MIEF2: variants seen among roughly 807,000 people sequenced by gnomAD.
MIEF2 encodes mitochondrial elongation factor 2, also known as mitochondrial dynamics protein MID49.
In MIEF2, 1 loss-of-function variant was observed where a neutral mutation model predicts 7.4. The ratio of observed to expected loss-of-function variants is 0.14; its 90% CI spans 0.05 to 0.64. The LOEUF is 0.64. MIEF2 is among the 30% of genes least tolerant of loss of function. MIEF2 has a pLI of 0.85. For missense variants in MIEF2, 569 were observed against 623.9 expected, an observed-to-expected ratio of 0.91 and a Z score of 0.94; for synonymous variants, 275 against 290.5, an observed-to-expected ratio of 0.95 and a Z score of 0.54.
At chr17:18,260,891 C>T (rs1056580457) in intron 1 of MIEF2, among the ~76,000 whole-genome samples, 154 bp downstream of exon 1, 1 of 152,202 alleles carries the variant, frequency 6.6e-6, no homozygotes, top group Non-Finnish European at 1.5e-5. Flanking sequence ...CGAATCCTAG[C>T]CCAGCCCCCT....
Position 18,263,835 on chromosome 17 carries a change from G to A in MIEF2, c.436G>A (p.Val146Met). 1.2e-6 allele frequency: 2 copies of A among 1,607,484 alleles called. No homozygotes were observed. Among genetic ancestry groups the A allele is most frequent in the Non-Finnish European group, 1.7e-6 (2 of 1,179,972 alleles). ...CCGTGTGACCATCCCAGCAGCCCAG[G>A]TGGCTTTGGCCAAACAGCTGGCTGG... ...RDRVTIPAAQVALAKQLAGDI... is the reference protein window; with the variant it reads ...RDRVTIPAAQMALAKQLAGDI... Residue 146 changes from valine (V) to methionine (M), a missense_variant, in exon 4 of 4, where the codon GTG (valine) becomes ATG (methionine). Physicochemically the swap from Val to Met is conservative, Grantham distance 21. Transcript: ENST00000323019.
Position 18,264,195 on chromosome 17 carries a change from G to A in MIEF2, c.796G>A (p.Val266Ile), listed in dbSNP as rs201138563. Reference sequence around the variant, plus strand: ...ACTCCGCAAGGCGCTGGCTGCTTCTGTCAACTGGCCGGCCATTGGCAGCCT... The same window carrying A: ...ACTCCGCAAGGCGCTGGCTGCTTCTATCAACTGGCCGGCCATTGGCAGCCT... ...ELLRKALAAS[V>I]NWPAIGSLLG... Residue 266 changes from valine (V) to isoleucine (I), a missense_variant, in exon 4 of 4, where the codon GTC becomes ATC. Physicochemically the swap from Val to Ile is conservative, Grantham distance 29. Coordinates refer to ENST00000323019, the MANE Select transcript of MIEF2 (RefSeq NM_139162.4). 2.4e-5 allele frequency: 39 copies of A among 1,599,294 alleles called. No homozygotes were observed. The Admixed American group carries it at 6.5e-4, about 27-fold the overall frequency.
At chr17:18,263,609 G>C in intron 3 of MIEF2, 101 bp from the exon 4 acceptor site, 1 of 1,423,762 alleles carries the variant, frequency 7.0e-7, no homozygotes, top group Non-Finnish European at 9.2e-7. Context: ...CTGCAGGTGA[G>C]AAAAGTGAGG....
Position 18,264,102 on chromosome 17 carries a change from C to T in MIEF2, c.703C>T (p.Arg235Cys), listed in dbSNP as rs747845745. Residue 235 changes from arginine to cysteine, a missense_variant, in exon 4 of 4, where the codon CGT becomes TGT. Arg to Cys is a radical substitution (Grantham distance 180). Coordinates refer to ENST00000323019, the MANE Select transcript of MIEF2 (RefSeq NM_139162.4). ...CAGGACGCAGCTTGAGTTCTGCCCC[C>T]GTGGGAGCAGCCCCTGGGACCGCTT... ...VRRTQLEFCPRGSSPWDRFLV... is the reference protein window; with the variant it reads ...VRRTQLEFCPCGSSPWDRFLV... 8 of 1,552,882 alleles carry T rather than the reference C, an allele frequency of 5.2e-6. No individual in the cohort carries two copies. Among genetic ancestry groups the T allele is most frequent in the South Asian group, 4.6e-5 (4 of 86,752 alleles).
chr17:18,263,055 T>C (rs754931911), intron 2 of MIEF2, 31 bp from the exon 3 acceptor site: 17 of 1,607,976 alleles, frequency 1.1e-5, no homozygotes, highest in East Asian at 2.2e-5. Context: ...CCAGATTTCA[T>C]ATACACTGAT....
chr17:18,264,446 C>T lies in MIEF2; in HGVS notation c.1047C>T (p.Asp349=), dbSNP rs762650215. The change falls in exon 4 of 4, where the codon GAC becomes GAT. Residue 349 remains aspartate, a synonymous_variant. Transcript: ENST00000323019. ...GGCTGCGAGCCCTGGACGACCATGA[C>T]GCTGGGACTCGCCGGCGGCTGCTGC... The part of the protein sequence containing the change: ...AARLRALDDH[D]AGTRRRLLLL... 14 of 1,601,956 alleles carry T rather than the reference C, an allele frequency of 8.7e-6. No homozygotes were observed. The highest frequency in any genetic ancestry group is 6.6e-5 in the South Asian group (6 of 91,078).
chr17:18,264,191 T>C lies in MIEF2; in HGVS notation c.792T>C (p.Ala264=), dbSNP rs2605143. The part of the protein sequence containing the change: ...LLELLRKALA[A]SVNWPAIGSL... ...AGCTACTCCGCAAGGCGCTGGCTGC[T>C]TCTGTCAACTGGCCGGCCATTGGCA... Residue 264 remains alanine, a synonymous_variant, in exon 4 of 4, where the codon GCT becomes GCC. Coordinates refer to ENST00000323019, the MANE Select transcript of MIEF2 (RefSeq NM_139162.4). 1,069,454 of 1,596,902 alleles carry C rather than the reference T, an allele frequency of 0.67. 360,886 individuals are homozygous for C. The highest frequency in any genetic ancestry group is 0.86 in the African/African-American group (64,229 of 74,952).
chr17:18,264,382 A>G lies in MIEF2; in HGVS notation c.983A>G (p.Asn328Ser). The change falls in exon 4 of 4, where the codon AAC becomes AGC. Residue 328 changes from asparagine (N) to serine (S), a missense_variant. Physicochemically the swap from Asn to Ser is conservative, Grantham distance 46 (BLOSUM62 1). Transcript: ENST00000323019. ...LAWPLEGLAG[N>S]LWLQDLYPVE... is the part of the protein sequence containing the mutation. ...TGGCCCCTGGAGGGGCTGGCGGGGA[A>G]CCTCTGGCTGCAGGACCTGTATCCA... is the stretch of plus-strand genomic sequence containing the variant. The G allele has an allele frequency of 6.2e-7, 1 of 1,601,898 alleles. No individual in the cohort carries two copies.
intron 1 of MIEF2, among the ~76,000 whole-genome samples, chr17:18,261,474 C>T (rs1978413154): frequency 6.6e-6 from 1 of 152,334 alleles, no homozygotes; most frequent in African/African-American, 2.4e-5. Flanking sequence ...GGTGCCCGGG[C>T]AGGCTGTGAC....
At position 18,260,729 on chromosome 17, in the gene MIEF2, G is replaced by A. The variant is rs1394623414; in HGVS notation, c.-16G>A. 1 of 210,114 alleles carries A rather than the reference G, an allele frequency of 4.8e-6. No individual in the cohort carries two copies. The highest frequency in any genetic ancestry group is 9.6e-6 in the Non-Finnish European group (1 of 104,104). 13.0% of individuals were successfully genotyped at this position (210,114 alleles called of 1,614,324 possible). ...CTCCTCCGGTCGTCGTGCGGAAGCT[G>A]CGACGCAGGTACAGCTGGAGCGCGG... On this transcript the variant is annotated 5_prime_UTR_variant, in exon 1 of 4. Transcript: ENST00000323019.
In MIEF2 at chr17:18,265,000, T is replaced by G; in HGVS notation, c.*236T>G. ...CTGGGCTGCCTCAGGCAGCTTGGAG[T>G]GCCAGCCATTCCTGCAAGCACCGTT... On this transcript the variant is annotated 3_prime_UTR_variant, in exon 4 of 4. Transcript: ENST00000323019. The G allele has an allele frequency of 1.7e-6, 1 of 599,952 alleles. No homozygotes were observed. Among genetic ancestry groups the G allele is most frequent in the Non-Finnish European group, 2.7e-6 (1 of 376,868 alleles). The allele number at this position is 599,952 out of a possible 1,614,324, so 37.2% of individuals were successfully genotyped here.
intron 2 of MIEF2, 42 bp downstream of exon 2, chr17:18,262,909 A>G: frequency 6.6e-7 from 1 of 1,525,266 alleles, no homozygotes; most frequent in Admixed American, 2.1e-5. Flanking sequence ...CTCCTAGAGG[A>G]GGACAACAGG....
At chr17:18,262,439 TCTC>T (rs967446451) in intron 1 of MIEF2, among the ~76,000 whole-genome samples, 7 of 152,084 alleles carry the variant, frequency 4.6e-5, no homozygotes, top group African/African-American at 1.2e-4. Flanking sequence ...AGCTCCCTCA[TCTC>T]CTCATGAGAG....
rs1978591153 is a variant in MIEF2, at chr17:18,264,071, C to T, written c.672C>T (p.Ala224=). The change falls in exon 4 of 4, where the codon GCC becomes GCT. Residue 224 remains alanine (A), a synonymous_variant. Coordinates refer to ENST00000323019, the MANE Select transcript of MIEF2 (RefSeq NM_139162.4). Reference sequence around the variant, plus strand: ...TGGCGAGGGACCCTCGCTGCTGGGCCGTGCGCAGGACGCAGCTTGAGTTCT... The same window carrying T: ...TGGCGAGGGACCCTCGCTGCTGGGCTGTGCGCAGGACGCAGCTTGAGTTCT... ...DTVARDPRCW[A]VRRTQLEFCP... 6 of 1,553,140 alleles carry T rather than the reference C, an allele frequency of 3.9e-6. No individual in the cohort carries two copies. Among genetic ancestry groups the T allele is most frequent in the Non-Finnish European group, 5.2e-6 (6 of 1,154,470 alleles).
chr17:18,264,098 C>T lies in MIEF2; in HGVS notation c.699C>T (p.Cys233=), dbSNP rs2142906707. ...TGCGCAGGACGCAGCTTGAGTTCTG[C>T]CCCCGTGGGAGCAGCCCCTGGGACC... is the stretch of plus-strand genomic sequence containing the variant. The part of the protein sequence containing the change: ...WAVRRTQLEF[C]PRGSSPWDRF... Residue 233 remains cysteine (C), a synonymous_variant, in exon 4 of 4, where the codon TGC becomes TGT. Coordinates refer to ENST00000323019, the MANE Select transcript of MIEF2 (RefSeq NM_139162.4). 1 of 1,552,064 alleles carries T rather than the reference C, an allele frequency of 6.4e-7. No individual in the cohort carries two copies. Among genetic ancestry groups the T allele is most frequent in the East Asian group, 2.4e-5 (1 of 42,088 alleles).
chr17:18,263,293 C>T (rs376913874), intron 3 of MIEF2, 45 bp downstream of exon 3: 25 of 1,612,098 alleles, frequency 1.6e-5, no homozygotes, highest in Middle Eastern at 1.6e-4. Flanking sequence ...ATTCAAGAGA[C>T]GCAGCCCAGG....
rs1978672012 is a variant in MIEF2, at chr17:18,264,999, G to A, written c.*235G>A. On this transcript the variant is annotated 3_prime_UTR_variant, in exon 4 of 4. Coordinates refer to ENST00000323019, the MANE Select transcript of MIEF2 (RefSeq NM_139162.4). Reference sequence around the variant, plus strand: ...GCTGGGCTGCCTCAGGCAGCTTGGAGTGCCAGCCATTCCTGCAAGCACCGT... The same window carrying A: ...GCTGGGCTGCCTCAGGCAGCTTGGAATGCCAGCCATTCCTGCAAGCACCGT... 2 of 618,018 alleles carry A rather than the reference G, an allele frequency of 3.2e-6. No homozygotes were observed. The highest frequency in any genetic ancestry group is 1.8e-5 in the African/African-American group (1 of 54,784). 38.3% of individuals were successfully genotyped at this position (618,018 alleles called of 1,614,324 possible).
chr17:18,261,050 C>G, intron 1 of MIEF2: 3 of 1,511,962 alleles, frequency 2.0e-6, no homozygotes, highest in Non-Finnish European at 2.7e-6. Flanking sequence ...GCTGCGCAAA[C>G]TTGGGTTATT....
chr17:18,262,160 C>G (rs1330253721), intron 1 of MIEF2, among the ~76,000 whole-genome samples: 1 of 152,212 alleles, frequency 6.6e-6, no homozygotes, highest in African/African-American at 2.4e-5. Flanking sequence ...CTGCTGAGGA[C>G]CTGGGCACCT....
Sources: allele counts gnomAD v4.1 joint callset (sites outside exome capture counted in the v4.1 genomes callset), GRCh38; gene constraint gnomAD v4.1.1; transcripts MANE v1.5; gene names NCBI Gene and HGNC (gene_info 2026-07-23, HGNC 2026-07-21).